The following WWOX variants were observed in gnomAD, a reference collection of about 807,000 sequenced individuals.
The protein encoded by WWOX is WW domain containing oxidoreductase, also known as WW domain-containing oxidoreductase.
WWOX carries 69 observed loss-of-function variants against 46.2 expected under a neutral mutation model. The ratio of observed to expected loss-of-function variants is 1.49; its 90% CI spans 1.23 to 1.82. WWOX has a LOEUF of 1.82. Among genes scored for constraint, WWOX ranks in the 40% most tolerant of loss-of-function variants. The probability of loss-of-function intolerance (pLI) is 0.00; values close to 1 mark genes in which losing one functional copy is unlikely to be tolerated. For synonymous variants in WWOX, 359 were observed against 202.6 expected, an observed-to-expected ratio of 1.77 and a Z score of -6.56; for missense variants, 919 against 542.6, an observed-to-expected ratio of 1.69 and a Z score of -6.89.
chr16:78,915,842 C>T (rs983691674), intron 8 of WWOX, among the ~76,000 whole-genome samples: 7 of 152,302 alleles, frequency 4.6e-5, no homozygotes, highest in African/African-American at 1.7e-4. Flanking sequence ...TAATCTTGAT[C>T]ACCACAGCTT....
chr16:78,720,828 T>G (rs920977608), intron 8 of WWOX, among the ~76,000 whole-genome samples: 1 of 152,112 alleles, frequency 6.6e-6, no homozygotes, highest in Non-Finnish European at 1.5e-5. Flanking sequence ...TTAGATACTT[T>G]CTTGGGGAGA....
intron 8 of WWOX, among the ~76,000 whole-genome samples, chr16:78,973,917 T>C (rs2046521285): frequency 6.6e-6 from 1 of 152,232 alleles, no homozygotes; most frequent in Non-Finnish European, 1.5e-5. Flanking sequence ...TTTGGTTTTT[T>C]CTTCGGCGTG....
chr16:78,269,750 T>G (rs951465379), intron 5 of WWOX, among the ~76,000 whole-genome samples: 1 of 152,152 alleles, frequency 6.6e-6, no homozygotes, highest in African/African-American at 2.4e-5. Flanking sequence ...TAGAATTAAT[T>G]ATTTATTATC....
intron 5 of WWOX, among the ~76,000 whole-genome samples, chr16:78,314,711 T>TTTTG (rs2080325217): frequency 1.4e-5 from 2 of 140,780 alleles, no homozygotes; most frequent in African/African-American, 5.6e-5. Context: ...GTTTTTTTTT[T>TTTTG]TTTTTTTTTT....
At chr16:79,034,436 T>C (rs763950336) in intron 8 of WWOX, among the ~76,000 whole-genome samples, 5 of 152,214 alleles carry the variant, frequency 3.3e-5, no homozygotes, top group Non-Finnish European at 7.3e-5. Flanking sequence ...GCCTGGGCCT[T>C]GTACTCTGGC....
intron 8 of WWOX, among the ~76,000 whole-genome samples, chr16:78,528,151 A>C (rs2151508738): frequency 7.7e-6 from 1 of 129,860 alleles, no homozygotes; most frequent in African/African-American, 3.0e-5. Flanking sequence ...GGTGCCCGCC[A>C]CCACACCTGG....
At chr16:78,555,610 C>A (rs1466618864) in intron 8 of WWOX, among the ~76,000 whole-genome samples, 1 of 144,258 alleles carries the variant, frequency 6.9e-6, no homozygotes, top group Non-Finnish European at 1.5e-5. Context: ...TTACTACTTG[C>A]ATTATTGTTG....
Position 78,099,676 on chromosome 16 carries a change from C to T in WWOX, c.-103C>T. The T allele has an allele frequency of 9.2e-6, 13 of 1,406,774 alleles. No homozygotes were observed. The highest frequency in any genetic ancestry group is 2.6e-4 in the Middle Eastern group (1 of 3,896). The allele number at this position is 1,406,774 out of a possible 1,614,324, so 87.1% of individuals were successfully genotyped here. A position where few individuals can be genotyped will look rare whatever the true frequency, so the allele number is the denominator to read the frequency against. ...GGCGCAGTGCGCAGGCGTGAGCGGT[C>T]GGGCCCCGACGCGCGCGGGTCTCGT... On this transcript the variant is annotated 5_prime_UTR_variant, in exon 1 of 9. Coordinates refer to ENST00000566780, the MANE Select transcript of WWOX (RefSeq NM_016373.4).
intron 8 of WWOX, among the ~76,000 whole-genome samples, chr16:79,127,476 G>A (rs1327715361): frequency 6.6e-6 from 1 of 152,154 alleles, no homozygotes; most frequent in Non-Finnish European, 1.5e-5. Context: ...GTATTACACT[G>A]TGTGGATGTT....
chr16:79,056,014 A>G (rs2048255217), intron 8 of WWOX, among the ~76,000 whole-genome samples: 1 of 152,174 alleles, frequency 6.6e-6, no homozygotes, highest in Non-Finnish European at 1.5e-5. Flanking sequence ...TTTAGCAAGT[A>G]CTTTCCATGA....
At chr16:79,205,583 CTTCA>C (rs1044982836) in intron 8 of WWOX, 5 of 152,154 alleles carry the variant, frequency 3.3e-5, no homozygotes, top group Non-Finnish European at 1.5e-5. Context: ...TCCTGATCAT[CTTCA>C]TTGTTTCTTT....
intron 8 of WWOX, among the ~76,000 whole-genome samples, chr16:78,449,040 C>A (rs2083626825): frequency 6.6e-6 from 1 of 152,144 alleles, no homozygotes; most frequent in Admixed American, 6.5e-5. Context: ...TAGAAATTCA[C>A]CTATGTCAAG....
intron 8 of WWOX, among the ~76,000 whole-genome samples, chr16:78,816,598 T>G (rs1340398453): frequency 2.6e-5 from 4 of 151,152 alleles, no homozygotes; most frequent in African/African-American, 9.7e-5. Flanking sequence ...ATTTTCATCT[T>G]TTGGGTACTG....
chr16:79,069,950 T>G (rs1032540808), intron 8 of WWOX, among the ~76,000 whole-genome samples: 3 of 152,232 alleles, frequency 2.0e-5, no homozygotes, highest in Admixed American at 6.5e-5. Flanking sequence ...TGTCACATAT[T>G]TAAGGATGTT....
At chr16:78,580,471 T>A (rs2045022141) in intron 8 of WWOX, among the ~76,000 whole-genome samples, 1 of 152,164 alleles carries the variant, frequency 6.6e-6, no homozygotes, top group Non-Finnish European at 1.5e-5. Flanking sequence ...GAGTCTTTCA[T>A]CAAAAACAAG....
Position 78,431,220 on chromosome 16 carries a change from C to T in WWOX, c.792-1268C>T, listed in dbSNP as rs374877852. 1.1e-4 allele frequency among the ~76,000 whole-genome samples: 16 copies of T among 152,332 alleles called. No individual in the cohort carries two copies. The South Asian group carries it at 2.1e-3, about 20-fold the overall frequency. On this transcript the variant is annotated intron_variant, in intron 7 of 8. Coordinates refer to ENST00000566780, the MANE Select transcript of WWOX (RefSeq NM_016373.4). The stretch of plus-strand genomic sequence containing the variant: ...CCAATTATAAAGCATCAACTAGTTA[C>T]GTTGATTTGTGTACATCCATGCCAT...
At chr16:79,002,685 G>T (rs2047117473) in intron 8 of WWOX, among the ~76,000 whole-genome samples, 1 of 152,130 alleles carries the variant, frequency 6.6e-6, no homozygotes, top group African/African-American at 2.4e-5. Flanking sequence ...AAGCAAACTG[G>T]GACAGAGGGA....
intron 8 of WWOX, among the ~76,000 whole-genome samples, chr16:78,634,871 TGTGC>T (rs2046530716): frequency 1.4e-5 from 2 of 146,034 alleles, no homozygotes; most frequent in South Asian, 4.3e-4. Context: ...TGTGTGTGTG[TGTGC>T]GCGTGCATGT....
At chr16:78,631,580 C>T (rs1275665190) in intron 8 of WWOX, among the ~76,000 whole-genome samples, 5 of 148,560 alleles carry the variant, frequency 3.4e-5, no homozygotes, top group African/African-American at 1.2e-4. Context: ...GCTCTGTCAC[C>T]CAGGGTCTAG....
Sources: gnomAD v4.1 joint callset for allele counts (sites outside exome capture counted in the v4.1 genomes callset) on GRCh38, gnomAD v4.1.1 for gene constraint, MANE v1.5 for transcripts, NCBI Gene and HGNC (gene_info 2026-07-23, HGNC 2026-07-21) for gene names.